Variants in CASK observed in about 807,000 individuals in gnomAD.
CASK encodes the protein calcium/calmodulin dependent serine protein kinase, also known as peripheral plasma membrane protein CASK.
A neutral mutation model predicts 82.9 loss-of-function variants in CASK; 4 were observed. The observed-to-expected ratio is 0.05, with a 90% confidence interval of 0.02 to 0.11. The LOEUF (loss-of-function observed/expected upper bound fraction) is 0.11. Ranked by LOEUF, CASK falls within the 10% of genes least tolerant of loss-of-function variation. CASK has a pLI of 1.00. For synonymous variants in CASK, 259 were observed against 253.5 expected (o/e 1.02, Z -0.20); for missense variants, 358 against 720.9 (o/e 0.50, Z 5.76).
chrX:41,896,041 G>A (rs979894348), intron 1 of CASK, among the ~76,000 whole-genome samples: 1 of 111,508 alleles, frequency 9.0e-6, no homozygotes, highest in East Asian at 2.8e-4. Context: ...AGGAACACCA[G>A]CCATAACTGA....
chrX:41,832,104 C>G (rs6610619), intron 2 of CASK, among the ~76,000 whole-genome samples: 4 of 109,884 alleles, frequency 3.6e-5, no homozygotes, highest in Non-Finnish European at 1.9e-5. Context: ...CTTAAACTCT[C>G]TAGATTCAAT....
In CASK at chrX:41,756,909, A is replaced by G. The variant is rs143256255; in HGVS notation, c.279-11308T>C. ...AGGTTACAAAGAGGGAAACTTCCTC[A>G]CTTCTGCTCCAGGCTTTCAGTTACT... On this transcript the variant is annotated intron_variant, in intron 3 of 26. Coordinates refer to ENST00000378163, the MANE Select transcript of CASK (RefSeq NM_001367721.1). 6.9e-3 allele frequency among the ~76,000 whole-genome samples: 771 copies of G among 112,124 alleles called. 7 individuals carry two copies. The highest frequency in any genetic ancestry group is 0.024 in the African/African-American group (745 of 30,916).
At chrX:41,624,308 T>G (rs1290939297) in intron 10 of CASK, 3 of 348,686 alleles carry the variant, frequency 8.6e-6, no homozygotes, top group Non-Finnish European at 1.7e-5. Context: ...TAAACACAAC[T>G]AGATCCCTGC....
chrX:41,908,798 G>A (rs1396054481), intron 1 of CASK, among the ~76,000 whole-genome samples: 1 of 112,030 alleles, frequency 8.9e-6, no homozygotes, highest in Non-Finnish European at 1.9e-5. Flanking sequence ...AAAACAGCAC[G>A]AATGCTTTAT....
intron 8 of CASK, among the ~76,000 whole-genome samples, chrX:41,647,503 G>C (rs1178271097): frequency 9.0e-6 from 1 of 111,447 alleles, no homozygotes; most frequent in African/African-American, 3.3e-5. Flanking sequence ...TTAGAATTAA[G>C]TTTCTCTGTT....
chrX:41,589,440 T>C lies in CASK; in HGVS notation c.1233+75A>G, dbSNP rs1244588563. On this transcript the variant is annotated intron_variant, in intron 13 of 26. Transcript: ENST00000378163. ...TGACTCCAGGGAAACTGCCTCTTAA[T>C]GTGCAACAGAAATGTCTTCAATAAA... 3 of 692,714 alleles carry C rather than the reference T, an allele frequency of 4.3e-6. No homozygotes were observed. The African/African-American group carries it at 6.3e-5, about 15-fold the overall frequency. The allele number at this position is 692,714 out of a possible 1,213,427, so 57.1% of individuals were successfully genotyped here.
intron 2 of CASK, among the ~76,000 whole-genome samples, chrX:41,813,846 G>C (rs2070356330): frequency 9.0e-6 from 1 of 111,603 alleles, no homozygotes; most frequent in Non-Finnish European, 1.9e-5. Flanking sequence ...CTACTCATCT[G>C]ACAAAGGGCT....
rs1213075542 is a variant in CASK, at chrX:41,878,554, C to T, written c.60-25327G>A. Among the ~76,000 whole-genome samples, 3 of 111,040 alleles carry T rather than the reference C, an allele frequency of 2.7e-5. No homozygotes were observed. The East Asian group carries it at 8.4e-4, about 31-fold the overall frequency. On this transcript the variant is annotated intron_variant, in intron 1 of 26. Transcript: ENST00000378163. ...ATTATTCACAAATTCAAAAAATACC[C>T]TTGTAGAGAAATCACTGTGGGTTCC... is the stretch of plus-strand genomic sequence containing the variant.
At chrX:41,799,794 C>A (rs1249642377) in intron 2 of CASK, among the ~76,000 whole-genome samples, 2 of 102,376 alleles carry the variant, frequency 2.0e-5, no homozygotes, top group Non-Finnish European at 4.0e-5. Context: ...CACACAGGGA[C>A]TGCACCTGTC....
At chrX:41,633,051 AAAAAAAATAAT>A (rs1434243344) in intron 9 of CASK, among the ~76,000 whole-genome samples, 3 of 100,661 alleles carry the variant, frequency 3.0e-5, no homozygotes, top group Non-Finnish European at 2.1e-5. Flanking sequence ...CAAAAAAAAA[AAAAAAAATAAT>A]AATAATAATA....
intron 11 of CASK, among the ~76,000 whole-genome samples, chrX:41,622,102 A>T (rs749124118): frequency 5.3e-5 from 6 of 112,453 alleles, no homozygotes; most frequent in African/African-American, 1.9e-4. Flanking sequence ...ATTAAAATCT[A>T]GCTATTACAT....
chrX:41,591,725 T>C (rs2065747880), intron 12 of CASK, among the ~76,000 whole-genome samples: 1 of 110,298 alleles, frequency 9.1e-6, no homozygotes, highest in African/African-American at 3.3e-5. Context: ...TCCGCCCGCC[T>C]CGGCCTCCCA....
intron 12 of CASK, among the ~76,000 whole-genome samples, chrX:41,599,893 T>A (rs530533172): frequency 8.9e-6 from 1 of 112,414 alleles, no homozygotes; most frequent in Admixed American, 9.4e-5. Context: ...GCAGATTTTA[T>A]CTTGTTTTAA....
intron 3 of CASK, among the ~76,000 whole-genome samples, chrX:41,771,536 C>T (rs2069244927): frequency 9.0e-6 from 1 of 111,162 alleles, no homozygotes; most frequent in Non-Finnish European, 1.9e-5. Flanking sequence ...AAAACATAGC[C>T]TAAAAGTCAA....
chrX:41,822,675 C>G (rs2070575421), intron 2 of CASK, among the ~76,000 whole-genome samples: 1 of 109,613 alleles, frequency 9.1e-6, no homozygotes, highest in Admixed American at 9.7e-5. Flanking sequence ...ATTATTTGAA[C>G]CCAAGTCTCC....
chrX:41,603,459 G>A (rs776160779), intron 12 of CASK, among the ~76,000 whole-genome samples: 4 of 111,214 alleles, frequency 3.6e-5, no homozygotes, highest in Admixed American at 9.6e-5. Flanking sequence ...CTCCCTAAAC[G>A]GTAAAAAATT....
chrX:41,534,404 C>T (rs1454195077), intron 24 of CASK, among the ~76,000 whole-genome samples: 17 of 107,589 alleles, frequency 1.6e-4, no homozygotes, highest in Admixed American at 1.4e-3. Flanking sequence ...CACACACACA[C>T]ACACACACAC....
At chrX:41,708,219 A>T (rs1357693969) in intron 5 of CASK, among the ~76,000 whole-genome samples, 3 of 111,132 alleles carry the variant, frequency 2.7e-5, no homozygotes, top group Non-Finnish European at 5.7e-5. Context: ...GATAGAGGTG[A>T]TTTCTCCTAT....
intron 5 of CASK, among the ~76,000 whole-genome samples, chrX:41,699,954 C>T (rs957368998): frequency 2.7e-5 from 3 of 111,864 alleles, no homozygotes; most frequent in Admixed American, 9.6e-5. Flanking sequence ...CCTCTCCTAA[C>T]CCAAGGTTTA....
Sources: gnomAD v4.1 joint callset for allele counts (sites outside exome capture counted in the v4.1 genomes callset) on GRCh38, gnomAD v4.1.1 for gene constraint, MANE v1.5 for transcripts, NCBI Gene and HGNC (gene_info 2026-07-23, HGNC 2026-07-21) for gene names.